The following COL24A1 variants were observed in gnomAD, a reference collection of about 807,000 sequenced individuals.
COL24A1 encodes the protein collagen alpha-1(XXIV) chain.
A neutral mutation model predicts 253.9 loss-of-function variants in COL24A1; 224 were observed. That is an observed-to-expected ratio of 0.88 (90% CI 0.79 to 0.99). The LOEUF (loss-of-function observed/expected upper bound fraction) is 0.99. COL24A1 is among the 50% of genes least tolerant of loss of function. The pLI, the probability that COL24A1 is intolerant of heterozygous loss-of-function variation, is 0.00. For missense variants in COL24A1, 2,131 were observed against 2,068.5 expected (o/e 1.03, Z -0.59); for synonymous variants, 685 against 673.7 (o/e 1.02, Z -0.26).
At chr1:85,989,171 TG>T (rs1437272901) in intron 19 of COL24A1, among the ~76,000 whole-genome samples, 10 of 152,238 alleles carry the variant, frequency 6.6e-5, no homozygotes, top group African/African-American at 2.4e-4. Flanking sequence ...TAGCTCCTGC[TG>T]TAACACTAGC....
At chr1:85,865,316 T>C (rs1679662377) in intron 37 of COL24A1, among the ~76,000 whole-genome samples, 1 of 152,168 alleles carries the variant, frequency 6.6e-6, no homozygotes, top group Non-Finnish European at 1.5e-5. Context: ...GTTCCTTGGA[T>C]TGCAAAATTC....
intron 5 of COL24A1, among the ~76,000 whole-genome samples, chr1:86,093,403 C>T (rs529458819): frequency 1.1e-4 from 17 of 152,030 alleles, no homozygotes; most frequent in African/African-American, 4.1e-4. Flanking sequence ...CCCCATTGCT[C>T]GCTTTTGTCA....
Position 85,933,149 on chromosome 1 carries a change from A to G in COL24A1, c.2563-21716T>C, listed in dbSNP as rs191193844. ...TGTGTGTAGGTGAAGAGAAAATGTAAAAAACTTGTATAGTTTAGATGATTA... is the reference window on the plus strand; with the variant it reads ...TGTGTGTAGGTGAAGAGAAAATGTAGAAAACTTGTATAGTTTAGATGATTA... On this transcript the variant is annotated intron_variant, in intron 24 of 59. Coordinates refer to ENST00000370571, the MANE Select transcript of COL24A1 (RefSeq NM_152890.7). 2.6e-3 allele frequency among the ~76,000 whole-genome samples: 390 copies of G among 152,082 alleles called. 2 individuals are homozygous for G. Among genetic ancestry groups the G allele is most frequent in the Non-Finnish European group, 2.7e-3 (185 of 67,984 alleles).
At chr1:86,032,013 G>T in intron 13 of COL24A1, 91 bp from the exon 14 acceptor site, 2 of 1,000,812 alleles carry the variant, frequency 2.0e-6, no homozygotes, top group Non-Finnish European at 3.0e-6. Flanking sequence ...TTCTAGCTAA[G>T]AATACATCAA....
chr1:86,034,038 A>G, intron 12 of COL24A1, 115 bp from the exon 13 acceptor site: 2 of 694,752 alleles, frequency 2.9e-6, no homozygotes. Flanking sequence ...TTAAACTGTA[A>G]TGCAACAAAC....
intron 19 of COL24A1, among the ~76,000 whole-genome samples, chr1:85,998,635 T>C (rs1695097202): frequency 6.6e-6 from 1 of 152,228 alleles, no homozygotes; most frequent in African/African-American, 2.4e-5. Flanking sequence ...CTTTGCATTA[T>C]TCCAGTCACT....
intron 19 of COL24A1, among the ~76,000 whole-genome samples, chr1:85,991,055 C>T (rs1446114644): frequency 6.6e-6 from 1 of 152,206 alleles, no homozygotes; most frequent in Non-Finnish European, 1.5e-5. Context: ...CTATTACTAA[C>T]ATCACACACA....
chr1:86,052,181 G>C (rs558393713), intron 10 of COL24A1, among the ~76,000 whole-genome samples: 2 of 151,904 alleles, frequency 1.3e-5, no homozygotes, highest in South Asian at 2.1e-4. Context: ...CTAAATAAAG[G>C]TTTCTTATTT....
intron 5 of COL24A1, among the ~76,000 whole-genome samples, chr1:86,107,305 G>A (rs1351569693): frequency 6.6e-6 from 1 of 152,124 alleles, no homozygotes; most frequent in Non-Finnish European, 1.5e-5. Flanking sequence ...TGCTCTCATA[G>A]TACTTATGAT....
chr1:85,899,620 T>C (rs902870252), intron 28 of COL24A1, among the ~76,000 whole-genome samples: 4 of 152,332 alleles, frequency 2.6e-5, no homozygotes, highest in East Asian at 1.9e-4. Flanking sequence ...AAAAGGCCCC[T>C]GGACACATAG....
intron 1 of COL24A1, among the ~76,000 whole-genome samples, chr1:86,147,096 C>G (rs1651988628): frequency 1.3e-5 from 2 of 152,086 alleles, no homozygotes; most frequent in South Asian, 4.1e-4. Flanking sequence ...AAATGCAGTT[C>G]CGCAAGGAGT....
chr1:85,913,664 T>C (rs1685589114), intron 24 of COL24A1, among the ~76,000 whole-genome samples: 1 of 152,212 alleles, frequency 6.6e-6, no homozygotes, highest in Admixed American at 6.5e-5. Flanking sequence ...TGCTTAATTC[T>C]GCCTTCCATA....
At chr1:85,926,913 A>C (rs1687317404) in intron 24 of COL24A1, among the ~76,000 whole-genome samples, 1 of 152,252 alleles carries the variant, frequency 6.6e-6, no homozygotes, top group African/African-American at 2.4e-5. Flanking sequence ...AGAAGAGAGA[A>C]ATCTGTGTGA....
intron 19 of COL24A1, among the ~76,000 whole-genome samples, chr1:85,990,558 C>T (rs1314943588): frequency 6.6e-6 from 1 of 152,198 alleles, no homozygotes; most frequent in African/African-American, 2.4e-5. Context: ...TGCTGTGCAG[C>T]CCAGTTCCTA....
At chr1:85,934,127 A>G (rs1387453627) in intron 24 of COL24A1, among the ~76,000 whole-genome samples, 2 of 152,186 alleles carry the variant, frequency 1.3e-5, no homozygotes, top group East Asian at 1.9e-4. Context: ...ACCTGAGGAC[A>G]TAGTAGTTGG....
intron 1 of COL24A1, chr1:86,155,962 A>G: frequency 5.2e-6 from 1 of 192,616 alleles, no homozygotes; most frequent in Non-Finnish European, 1.1e-5. Flanking sequence ...GGACCTCGAC[A>G]GGGCCCTGCG....
intron 19 of COL24A1, among the ~76,000 whole-genome samples, chr1:86,006,160 G>A (rs1695937481): frequency 6.6e-6 from 1 of 152,092 alleles, no homozygotes; most frequent in South Asian, 2.1e-4. Context: ...CTGACAAACA[G>A]ATTCTAAACT....
At chr1:85,916,203 T>G (rs1193353424) in intron 24 of COL24A1, among the ~76,000 whole-genome samples, 2 of 152,206 alleles carry the variant, frequency 1.3e-5, no homozygotes, top group African/African-American at 4.8e-5. Context: ...TGTTGTACTG[T>G]TGAGATCCAG....
chr1:86,100,676 G>A (rs1419256877), intron 5 of COL24A1, among the ~76,000 whole-genome samples: 2 of 152,210 alleles, frequency 1.3e-5, no homozygotes, highest in East Asian at 3.9e-4. Context: ...ACACACAAAT[G>A]ATTAGAGAAT....
Sources: gnomAD v4.1 joint callset for allele counts (sites outside exome capture counted in the v4.1 genomes callset) on GRCh38, gnomAD v4.1.1 for gene constraint, MANE v1.5 for transcripts, NCBI Gene and HGNC (gene_info 2026-07-23, HGNC 2026-07-21) for gene names.